GLI3: variants seen among roughly 807,000 people sequenced by gnomAD.
GLI3 encodes transcription activator GLI3.
GLI3 carries 20 observed loss-of-function variants against 100.8 expected under a neutral mutation model. The ratio of observed to expected loss-of-function variants is 0.20; its 90% CI spans 0.14 to 0.29. The LOEUF (loss-of-function observed/expected upper bound fraction) is 0.29, where lower values mean the gene tolerates loss of function less well. GLI3 is among the 10% of genes least tolerant of loss of function. The pLI is 1.00. For missense variants in GLI3, 2,040 were observed against 2,128.5 expected (o/e 0.96, Z 0.82); for synonymous variants, 938 against 860.5 (o/e 1.09, Z -1.58).
intron 6 of GLI3, among the ~76,000 whole-genome samples, chr7:42,042,013 C>CTTTT (rs11324186): frequency 2.6e-5 from 3 of 116,326 alleles, no homozygotes; most frequent in Middle Eastern, 4.2e-3. Flanking sequence ...CAACGATTTC[C>CTTTT]TTTTTTTTTT....
At chr7:42,107,272 G>A (rs546450788) in intron 3 of GLI3, among the ~76,000 whole-genome samples, 9 of 152,116 alleles carry the variant, frequency 5.9e-5, no homozygotes, top group African/African-American at 4.8e-5. Context: ...TCGGGGCTGC[G>A]TGAGCCGAGA....
At chr7:42,184,203 C>T (rs1787674200) in intron 2 of GLI3, among the ~76,000 whole-genome samples, 1 of 152,248 alleles carries the variant, frequency 6.6e-6, no homozygotes, top group Non-Finnish European at 1.5e-5. Context: ...AAAATTCCTG[C>T]CTCAGCCTCA....
chr7:41,973,371 T>G (rs1001785332), intron 12 of GLI3, among the ~76,000 whole-genome samples: 32 of 152,220 alleles, frequency 2.1e-4, no homozygotes, highest in African/African-American at 6.0e-4. Context: ...TTTCTTCTCC[T>G]CAGTGAATTT....
intron 2 of GLI3, among the ~76,000 whole-genome samples, chr7:42,181,661 A>G (rs959791024): frequency 2.0e-5 from 3 of 152,230 alleles, no homozygotes; most frequent in Non-Finnish European, 4.4e-5. Context: ...GCCAGTTCAT[A>G]TAGTTTTTAG....
chr7:42,195,422 A>G (rs1193110047), intron 2 of GLI3, among the ~76,000 whole-genome samples: 6 of 152,264 alleles, frequency 3.9e-5, no homozygotes, highest in African/African-American at 9.6e-5. Context: ...TTACCTCTGG[A>G]AAGTCTGCCC....
intron 2 of GLI3, among the ~76,000 whole-genome samples, chr7:42,191,655 A>AAT (rs148053031): frequency 0.011 from 1,707 of 148,686 alleles, 34 homozygotes; most frequent in East Asian, 0.017. Flanking sequence ...CGTTTCAAAA[A>AAT]ATATATATAT....
At chr7:42,029,449 G>T (rs886071944) in intron 7 of GLI3, among the ~76,000 whole-genome samples, 14 of 152,172 alleles carry the variant, frequency 9.2e-5, no homozygotes, top group Non-Finnish European at 2.1e-4. Flanking sequence ...CATGAGAAAG[G>T]ATGCCTCCCA....
intron 3 of GLI3, among the ~76,000 whole-genome samples, chr7:42,108,322 T>C (rs1785624186): frequency 6.6e-6 from 1 of 152,216 alleles, no homozygotes; most frequent in Non-Finnish European, 1.5e-5. Context: ...AAATTAAAAA[T>C]GATATGTTAT....
Position 41,963,473 on chromosome 7 carries a change from G to A in GLI3, c.*857C>T, listed in dbSNP as rs1787062149. ...TAACTTCTTACCAGAACAGATAAAA[G>A]TAGCAATGTGGCTGAGTGTCACCAA... On this transcript the variant is annotated 3_prime_UTR_variant, in exon 15 of 15. Transcript: ENST00000395925. 1 of 152,190 alleles carries A rather than the reference G, an allele frequency of 6.6e-6. No individual in the cohort carries two copies. The highest frequency in any genetic ancestry group is 1.5e-5 in the Non-Finnish European group (1 of 68,048). 9.4% of individuals were successfully genotyped at this position (152,190 alleles called of 1,614,324 possible). A position where few individuals can be genotyped will look rare whatever the true frequency, so the allele number is the denominator to read the frequency against.
At chr7:42,176,764 C>T (rs529022499) in intron 2 of GLI3, among the ~76,000 whole-genome samples, 7 of 152,310 alleles carry the variant, frequency 4.6e-5, no homozygotes, top group African/African-American at 1.7e-4. Flanking sequence ...GGATATTGAT[C>T]CCCAGGGTCC....
At chr7:42,056,982 CA>C (rs11322222) in intron 4 of GLI3, among the ~76,000 whole-genome samples, 58,473 of 102,602 alleles carry the variant, frequency 0.57, 13,534 homozygotes, top group Non-Finnish European at 0.61. Flanking sequence ...AACTCCGTCT[CA>C]AAAAAAAAAA....
intron 3 of GLI3, among the ~76,000 whole-genome samples, chr7:42,124,474 A>G (rs558845968): frequency 6.6e-6 from 1 of 152,284 alleles, no homozygotes; most frequent in East Asian, 1.9e-4. Context: ...AAATGCAGTC[A>G]GTTGGATGTG....
At chr7:41,996,465 A>C (rs1788128934) in intron 10 of GLI3, among the ~76,000 whole-genome samples, 1 of 152,174 alleles carries the variant, frequency 6.6e-6, no homozygotes, top group Non-Finnish European at 1.5e-5. Context: ...TCATATACAA[A>C]GAAAATACTG....
chr7:42,156,757 C>T (rs1423756604), intron 2 of GLI3, among the ~76,000 whole-genome samples: 1 of 152,204 alleles, frequency 6.6e-6, no homozygotes, highest in East Asian at 1.9e-4. Context: ...AAGGAATAAA[C>T]CTCTGTGTGC....
intron 2 of GLI3, among the ~76,000 whole-genome samples, chr7:42,200,982 T>G (rs1788027023): frequency 6.6e-6 from 1 of 152,168 alleles, no homozygotes; most frequent in Admixed American, 6.5e-5. Flanking sequence ...ATATTAAAAT[T>G]CAGTACAGTA....
rs112928005 is a variant in GLI3, at chr7:42,261,003, A to G, written c.-43+2991T>C. ...TGTGTTAGTCCATTCTTGCATTGCT[A>G]TAAAGAAATACCTAAGACTGGGTAA... On this transcript the variant is annotated intron_variant, in intron 1 of 2. Coordinates refer to the GLI3 transcript ENST00000678978. 2.8e-3 allele frequency among the ~76,000 whole-genome samples: 421 copies of G among 152,340 alleles called. 4 individuals are homozygous for G. Among genetic ancestry groups the G allele is most frequent in the African/African-American group, 9.6e-3 (398 of 41,584 alleles).
At chr7:42,029,402 ACAG>A (rs1789218480) in intron 7 of GLI3, among the ~76,000 whole-genome samples, 2 of 152,214 alleles carry the variant, frequency 1.3e-5, no homozygotes, top group African/African-American at 4.8e-5. Context: ...ATGACTGGGC[ACAG>A]CAAACGGATG....
intron 3 of GLI3, among the ~76,000 whole-genome samples, chr7:42,110,930 C>G (rs565091764): frequency 6.6e-6 from 1 of 152,090 alleles, no homozygotes; most frequent in African/African-American, 2.4e-5. Context: ...GGTTTGAGAA[C>G]GACAAGAGTC....
Position 42,040,249 on chromosome 7 carries a change from A to T in GLI3, c.827-10T>A. On this transcript the variant is annotated splice_polypyrimidine_tract_variant and intron_variant, in intron 6 of 14. Coordinates refer to ENST00000395925, the MANE Select transcript of GLI3 (RefSeq NM_000168.6). Reference sequence around the variant, plus strand: ...CTGGAGAATCTGGTGCCTGTTATATAAACAAAAAAGAACCTAATTACCTGC... The same window carrying T: ...CTGGAGAATCTGGTGCCTGTTATATTAACAAAAAAGAACCTAATTACCTGC... 5 of 1,607,184 alleles carry T rather than the reference A, an allele frequency of 3.1e-6. No individual in the cohort carries two copies. Among genetic ancestry groups the T allele is most frequent in the Non-Finnish European group, 4.3e-6 (5 of 1,173,876 alleles).
Sources: gnomAD v4.1 joint callset for allele counts (sites outside exome capture counted in the v4.1 genomes callset) on GRCh38, gnomAD v4.1.1 for gene constraint, MANE v1.5 for transcripts, NCBI Gene and HGNC (gene_info 2026-07-23, HGNC 2026-07-21) for gene names.